RBM5: variants seen among roughly 807,000 people sequenced by gnomAD.
RBM5 encodes the protein RNA binding motif protein 5, also known as RNA-binding protein 5.
In RBM5, 15 loss-of-function variants were observed where a neutral mutation model predicts 124.6. The observed-to-expected ratio is 0.12, with a 90% CI of 0.08 to 0.19. The LOEUF (loss-of-function observed/expected upper bound fraction) is 0.19, where lower values mean the gene tolerates loss of function less well. RBM5 is among the 10% of genes least tolerant of loss of function. The pLI, the probability that RBM5 is intolerant of heterozygous loss-of-function variation, is 1.00. For synonymous variants in RBM5, 337 were observed against 361.2 expected, an observed-to-expected ratio of 0.93 and a Z score of 0.76; for missense variants, 580 against 1,026.5, an observed-to-expected ratio of 0.57 and a Z score of 5.94.
chr3:50,105,581 G>A lies in RBM5; in HGVS notation c.727G>A (p.Val243Met). ...TCTTCGGAACATAGCTCCGCACACT[G>A]TGGTGGATTCCATCATGACAGCACT... ...IILRNIAPHTVVDSIMTALSP... is the reference protein window; with the variant it reads ...IILRNIAPHTMVDSIMTALSP... Residue 243 changes from valine to methionine, a missense_variant, in exon 10 of 25, where the codon GTG becomes ATG. Physicochemically the swap from Val to Met is conservative, Grantham distance 21. This residue lies in a region of RBM5 where 101 missense variants were observed against 223.2 expected (regional missense o/e 0.45). Coordinates refer to ENST00000347869, the MANE Select transcript of RBM5 (RefSeq NM_005778.4). 6.2e-7 allele frequency: 1 copy of A among 1,614,166 alleles called. No homozygotes were observed. Among genetic ancestry groups the A allele is most frequent in the Non-Finnish European group, 8.5e-7 (1 of 1,180,022 alleles).
intron 2 of RBM5, among the ~76,000 whole-genome samples, chr3:50,091,289 T>C (rs1411179746): frequency 6.6e-6 from 1 of 152,250 alleles, no homozygotes; most frequent in Non-Finnish European, 1.5e-5. Context: ...AATTTGTATA[T>C]TCTAAATGAA....
chr3:50,095,043 C>T (rs1451044524), intron 4 of RBM5, among the ~76,000 whole-genome samples: 1 of 151,996 alleles, frequency 6.6e-6, no homozygotes, highest in East Asian at 1.9e-4. Context: ...ACTAAAAATA[C>T]AAGAATTAGC....
At chr3:50,110,949 A>G (rs2091132670) in intron 17 of RBM5, 179 bp downstream of exon 17, 1 of 588,090 alleles carries the variant, frequency 1.7e-6, no homozygotes, top group African/African-American at 1.9e-5. Context: ...TGTAGGGTTA[A>G]AAAATGTTTT....
chr3:50,091,941 T>TA (rs5848907), intron 2 of RBM5, 102 bp from the exon 3 acceptor site: 1,249,759 of 1,264,766 alleles, frequency 0.99, 617,531 homozygotes, highest in East Asian at 1. Flanking sequence ...ACTATTTGGA[T>TA]TATCTTATAA....
chr3:50,107,685 T>C (rs1217334307), intron 12 of RBM5, 116 bp downstream of exon 12: 14 of 554,588 alleles, frequency 2.5e-5, no homozygotes, highest in South Asian at 1.7e-4. Context: ...TTTTTTTTTT[T>C]TTTTTTTTTT....
intron 24 of RBM5, chr3:50,118,022 C>G (rs555213124): frequency 2.3e-4 from 89 of 393,450 alleles, no homozygotes; most frequent in Non-Finnish European, 3.8e-4. Context: ...ATAATGTGTG[C>G]CTGTAATTAC....
chr3:50,106,666 CT>C, intron 10 of RBM5, 100 bp from the exon 11 acceptor site: 2 of 827,686 alleles, frequency 2.4e-6, no homozygotes. Context: ...AATTAATTGC[CT>C]TTTATTTTTT....
chr3:50,096,800 T>C (rs1575305644), intron 4 of RBM5, among the ~76,000 whole-genome samples: 1 of 150,428 alleles, frequency 6.6e-6, no homozygotes, highest in South Asian at 2.1e-4. Flanking sequence ...AGAGACAAGG[T>C]CTCTCTTTAT....
intron 6 of RBM5, chr3:50,102,753 T>C: frequency 3.5e-6 from 1 of 286,780 alleles, no homozygotes; most frequent in East Asian, 1.1e-4. Flanking sequence ...CTTCTGCTTT[T>C]TGAAGTAGAC....
chr3:50,097,424 ATTGATTTGAGTG>A (rs1471753514), intron 4 of RBM5, among the ~76,000 whole-genome samples: 1 of 151,732 alleles, frequency 6.6e-6, no homozygotes, highest in African/African-American at 2.4e-5. Flanking sequence ...TGCTACAAGT[ATTGATTTGAGTG>A]TTAGAAATTT....
chr3:50,115,313 T>G, intron 20 of RBM5, 115 bp from the exon 21 acceptor site: 1 of 1,216,796 alleles, frequency 8.2e-7, no homozygotes, highest in Non-Finnish European at 1.2e-6. Flanking sequence ...AAGTGTGACA[T>G]GCAGTAATGG....
intron 7 of RBM5, 79 bp downstream of exon 7, chr3:50,103,245 C>A (rs2090973427): frequency 1.7e-6 from 2 of 1,171,602 alleles, no homozygotes; most frequent in Non-Finnish European, 2.5e-6. Flanking sequence ...TTTGACTGTC[C>A]AAACAAGGAA....
intron 12 of RBM5, 30 bp from the exon 13 acceptor site, chr3:50,108,040 T>C: frequency 6.4e-7 from 1 of 1,558,718 alleles, no homozygotes; most frequent in South Asian, 1.1e-5. Flanking sequence ...CCTACTAAGT[T>C]TGTCTTTGTC....
chr3:50,103,013 GTGCTC>G, intron 6 of RBM5, 65 bp from the exon 7 acceptor site: 1 of 1,260,482 alleles, frequency 7.9e-7, no homozygotes, highest in East Asian at 2.3e-5. Context: ...TTTCCGAAGT[GTGCTC>G]TGCCCTGGGA....
rs2091300261 is a variant in RBM5, at chr3:50,118,509, G to A, written c.*53G>A. Reference sequence around the variant, plus strand: ...GAGCACAAGAAGTGGTCCATCTCCCGAATTCGCTGTTACCGCCTGTCTCTT... The same window carrying A: ...GAGCACAAGAAGTGGTCCATCTCCCAAATTCGCTGTTACCGCCTGTCTCTT... On this transcript the variant is annotated 3_prime_UTR_variant, in exon 25 of 25. Coordinates refer to ENST00000347869, the MANE Select transcript of RBM5 (RefSeq NM_005778.4). 8.2e-6 allele frequency: 13 copies of A among 1,583,368 alleles called. No individual in the cohort carries two copies. Among genetic ancestry groups the A allele is most frequent in the East Asian group, 4.5e-5 (2 of 44,008 alleles).
rs989930228 is a variant in RBM5, at chr3:50,118,679, C to T, written c.*223C>T. 10 of 628,832 alleles carry T rather than the reference C, an allele frequency of 1.6e-5. No homozygotes were observed. The highest frequency in any genetic ancestry group is 5.5e-5 in the African/African-American group (3 of 54,314). The allele number at this position is 628,832 out of a possible 1,614,324, so 39.0% of individuals were successfully genotyped here. ...CCCGCCAGAGGGCTTGTGAACAGAC[C>T]GGAGAGGACAGTGGATTGTTTATAC... is the stretch of plus-strand genomic sequence containing the variant. On this transcript the variant is annotated 3_prime_UTR_variant, in exon 25 of 25. Coordinates refer to ENST00000347869, the MANE Select transcript of RBM5 (RefSeq NM_005778.4).
Position 50,118,454 on chromosome 3 carries a change from T to TGAGAGAGA in RBM5, c.*13_*20dup, listed in dbSNP as rs112672304. On this transcript the variant is annotated frameshift_variant and stop_retained_variant, in exon 25 of 25. Transcript: ENST00000347869. LOFTEE classifies it high-confidence loss of function. ...GTTTGCCCGGTTCACTGAGATGGAG[T>TGAGAGAGA]GAGAGAGAGAGAGAGAGAGAGATGA... 1.9e-6 allele frequency: 3 copies of TGAGAGAGA among 1,575,830 alleles called. No homozygotes were observed. The highest frequency in any genetic ancestry group is 2.3e-5 in the East Asian group (1 of 43,998).
Position 50,115,898 on chromosome 3 carries a change from T to G in RBM5, c.2020-8T>G. On this transcript the variant is annotated splice_polypyrimidine_tract_variant and splice_region_variant and intron_variant, in intron 21 of 24. Coordinates refer to ENST00000347869, the MANE Select transcript of RBM5 (RefSeq NM_005778.4). ...GTCCTTACTGTGTCTTTCAAATCTT[T>G]TGTGTAGCAAAACATGGACATCTAT... The G allele has an allele frequency of 6.2e-7, 1 of 1,609,610 alleles. No individual in the cohort carries two copies.
At chr3:50,102,938 C>A in intron 6 of RBM5, 145 bp from the exon 7 acceptor site, 1 of 653,948 alleles carries the variant, frequency 1.5e-6, no homozygotes, top group Non-Finnish European at 2.7e-6. Context: ...ATTGGATGGG[C>A]AGAGTATAGG....
Sources: gnomAD v4.1 joint callset for allele counts (sites outside exome capture counted in the v4.1 genomes callset) on GRCh38, gnomAD v4.1.1 for gene constraint, gnomAD v4.1.1 regional missense constraint, MANE v1.5 for transcripts, NCBI Gene and HGNC (gene_info 2026-07-23, HGNC 2026-07-21) for gene names.